MYADML2: variants seen among roughly 807,000 people sequenced by gnomAD.
The protein encoded by MYADML2 is myeloid-associated differentiation marker-like protein 2.
Under a neutral mutation model 16.0 loss-of-function variants are expected in MYADML2, and 17 were observed. That is an observed-to-expected ratio of 1.06 (90% CI 0.73 to 1.60). The LOEUF (loss-of-function observed/expected upper bound fraction) is 1.60. MYADML2 is among the 40% of genes most tolerant of loss of function. The pLI, the probability that MYADML2 is intolerant of heterozygous loss-of-function variation, is 0.00. For synonymous variants in MYADML2, 210 were observed against 208.1 expected (o/e 1.01, Z -0.08); for missense variants, 422 against 437.7 (o/e 0.96, Z 0.32).
intron 1 of MYADML2, among the ~76,000 whole-genome samples, chr17:81,943,682 C>T (rs1288483910): frequency 1.3e-5 from 2 of 151,976 alleles, no homozygotes; most frequent in Admixed American, 6.6e-5. Flanking sequence ...GGATTACAGG[C>T]GTTAGCCACC....
chr17:81,946,604 C>T (rs761949812), intron 1 of MYADML2, among the ~76,000 whole-genome samples: 61 of 149,770 alleles, frequency 4.1e-4, no homozygotes, highest in African/African-American at 4.4e-4. Context: ...GCCGAGATCG[C>T]GCCACTGCAC....
Position 81,941,536 on chromosome 17 carries a change from A to G in MYADML2, c.206T>C (p.Val69Ala), listed in dbSNP as rs765930954. Residue 69 changes from valine (V) to alanine (A), a missense_variant, in exon 3 of 3, where the codon GTG (valine) becomes GCG (alanine). Transcript: ENST00000409745. Reference protein sequence around the residue: ...GFCFAVSALVVACEFTRLHGC... With the variant: ...GFCFAVSALVAACEFTRLHGC... ...GTGGAGCCGTGTGAACTCACAGGCC[A>G]CCACCAGCGCAGAGACGGCGAAGCA... The G allele has an allele frequency of 4.2e-5, 65 of 1,548,232 alleles. No individual in the cohort carries two copies. The highest frequency in any genetic ancestry group is 1.2e-4 in the East Asian group (5 of 40,918).
chr17:81,945,102 CA>C (rs2041333382), intron 1 of MYADML2, among the ~76,000 whole-genome samples: 1 of 151,668 alleles, frequency 6.6e-6, no homozygotes. Flanking sequence ...CCCATCTCTA[CA>C]AAAAATACGA....
intron 1 of MYADML2, among the ~76,000 whole-genome samples, chr17:81,943,123 A>G (rs1161538056): frequency 1.3e-5 from 2 of 150,356 alleles, no homozygotes; most frequent in African/African-American, 4.9e-5. Flanking sequence ...AGGCTGGAGT[A>G]CAGTGGCGTG....
rs1301545381 is a variant in MYADML2, at chr17:81,941,746, C to A, written c.-5G>T. 6.7e-7 allele frequency: 1 copy of A among 1,498,078 alleles called. No individual in the cohort carries two copies. Among genetic ancestry groups the A allele is most frequent in the African/African-American group, 1.4e-5 (1 of 71,382 alleles). 92.8% of individuals were successfully genotyped at this position (1,498,078 alleles called of 1,614,324 possible). On this transcript the variant is annotated 5_prime_UTR_variant, in exon 3 of 3. Coordinates refer to ENST00000409745, the MANE Select transcript of MYADML2 (RefSeq NM_001145113.3). ...GGGCTCCATGGTGCTGCCCATCTGG[C>A]CAGCCACGTTTCCAGCTCACACAGT...
chr17:81,944,039 G>A (rs1242069873), intron 1 of MYADML2, among the ~76,000 whole-genome samples: 1 of 151,562 alleles, frequency 6.6e-6, no homozygotes, highest in East Asian at 2.0e-4. Flanking sequence ...TTGAACTCAG[G>A]AGGCAGAGGT....
chr17:81,944,390 CAA>C (rs778709387), intron 1 of MYADML2, among the ~76,000 whole-genome samples: 4 of 72,142 alleles, frequency 5.5e-5, no homozygotes, highest in Admixed American at 1.3e-4. Flanking sequence ...CGAGACTCCT[CAA>C]AAAAAAAAAA....
intron 1 of MYADML2, among the ~76,000 whole-genome samples, chr17:81,943,831 C>T (rs1288949017): frequency 1.3e-5 from 2 of 151,846 alleles, no homozygotes; most frequent in African/African-American, 2.4e-5. Flanking sequence ...TAAATCCAGC[C>T]GGGCGCGGTG....
rs1457956545 is a variant in MYADML2, at chr17:81,939,901, G to A, written c.*917C>T. The A allele has an allele frequency of 1.3e-5, 2 of 152,272 alleles. No homozygotes were observed. The highest frequency in any genetic ancestry group is 1.5e-5 in the Non-Finnish European group (1 of 68,094). 9.4% of individuals were successfully genotyped at this position (152,272 alleles called of 1,614,324 possible). On this transcript the variant is annotated 3_prime_UTR_variant, in exon 3 of 3. Coordinates refer to ENST00000409745, the MANE Select transcript of MYADML2 (RefSeq NM_001145113.3). ...GCAGTACCCAGATTCTGTGTCCAGCGGCCGCCCTCAGCCGGGCTCCCTCCC... is the reference window on the plus strand; with the variant it reads ...GCAGTACCCAGATTCTGTGTCCAGCAGCCGCCCTCAGCCGGGCTCCCTCCC...
chr17:81,944,699 A>G (rs913095982), intron 1 of MYADML2, among the ~76,000 whole-genome samples: 1 of 152,158 alleles, frequency 6.6e-6, no homozygotes, highest in African/African-American at 2.4e-5. Flanking sequence ...GGTGGCAGCT[A>G]CTATGTGATC....
At position 81,942,006 on chromosome 17, in the gene MYADML2, C is replaced by G; in HGVS notation, c.-102-163G>C. ...TTAGAGAGACATCTGACCCCTGGTC[C>G]CCTGTGGAGCCCCTGCCGGGACCAT... On this transcript the variant is annotated intron_variant, in intron 2 of 2. Coordinates refer to ENST00000409745, the MANE Select transcript of MYADML2 (RefSeq NM_001145113.3). The surrounding 1 kb of genome is among the most constrained non-coding windows in gnomAD (Gnocchi z 4.4). 1 of 407,238 alleles carries G rather than the reference C, an allele frequency of 2.5e-6. No homozygotes were observed. The highest frequency in any genetic ancestry group is 4.4e-6 in the Non-Finnish European group (1 of 228,826). 25.2% of individuals were successfully genotyped at this position (407,238 alleles called of 1,614,324 possible). A position where few individuals can be genotyped will look rare whatever the true frequency, so the allele number is the denominator to read the frequency against.
At chr17:81,941,908 G>C (rs1042247748) in intron 2 of MYADML2, 65 bp from the exon 3 acceptor site, 4 of 632,880 alleles carry the variant, frequency 6.3e-6, no homozygotes, top group African/African-American at 3.7e-5. Flanking sequence ...ATGTGAGGCG[G>C]CTCCCCCCAG....
chr17:81,946,365 A>T (rs1567934667), intron 1 of MYADML2, among the ~76,000 whole-genome samples: 1 of 144,126 alleles, frequency 6.9e-6, no homozygotes, highest in Non-Finnish European at 1.5e-5. Context: ...AAAAGAAGAA[A>T]AGGCCGGGCG....
chr17:81,940,666 T>C lies in MYADML2; in HGVS notation c.*152A>G. The C allele has an allele frequency of 1.2e-6, 1 of 817,960 alleles. No individual in the cohort carries two copies. Among genetic ancestry groups the C allele is most frequent in the Non-Finnish European group, 1.9e-6 (1 of 536,454 alleles). The allele number at this position is 817,960 out of a possible 1,614,324, so 50.7% of individuals were successfully genotyped here. ...TGTCCCTCTGAGCCCAGTCTGGAAG[T>C]CGGGGAGTGACCTCTCCCGTTGTAC... On this transcript the variant is annotated 3_prime_UTR_variant, in exon 3 of 3. Transcript: ENST00000409745.
rs766537154 is a variant in MYADML2 at position 81,941,056 on chromosome 17, C to T, written c.686G>A (p.Arg229Gln). ...HTGGLGCPFD[R>Q]LVVVYTFLAV... ...CAGGAAGGTGTACACCACCACCAGC[C>T]GGTCAAAGGGGCAGCCCAGGCCCCC... Residue 229 changes from arginine (R) to glutamine (Q), a missense_variant, in exon 3 of 3, where the codon CGG becomes CAG. Arg to Gln is a conservative substitution (Grantham distance 43). Transcript: ENST00000409745. The T allele has an allele frequency of 1.4e-5, 21 of 1,550,292 alleles. No homozygotes were observed. The African/African-American group carries it at 1.5e-4, about 11-fold the overall frequency.
chr17:81,945,783 C>T (rs1406964093), intron 1 of MYADML2, among the ~76,000 whole-genome samples: 5 of 151,458 alleles, frequency 3.3e-5, no homozygotes, highest in Non-Finnish European at 7.4e-5. Flanking sequence ...GGGAGGACTG[C>T]TTAATCCCAG....
Position 81,941,616 on chromosome 17 carries a change from G to C in MYADML2, c.126C>G (p.His42Gln). ...CCTGGACGCCCGCAAAGCCACCCCG[G>C]TGGGCCACCAGGCTGAAGGTAGTGC... is the stretch of plus-strand genomic sequence containing the variant. ...FGCTTFSLVA[H>Q]RGGFAGVQGT... Residue 42 changes from histidine (H) to glutamine (Q), a missense_variant, in exon 3 of 3, where the codon CAC (histidine) becomes CAG (glutamine). Coordinates refer to ENST00000409745, the MANE Select transcript of MYADML2 (RefSeq NM_001145113.3). 6.5e-7 allele frequency: 1 copy of C among 1,549,086 alleles called. No homozygotes were observed. The highest frequency in any genetic ancestry group is 8.7e-7 in the Non-Finnish European group (1 of 1,146,842).
chr17:81,941,519 G>T lies in MYADML2; in HGVS notation c.223C>A (p.Arg75=). Residue 75 remains arginine, a synonymous_variant, in exon 3 of 3, where the codon CGG becomes AGG. Coordinates refer to ENST00000409745, the MANE Select transcript of MYADML2 (RefSeq NM_001145113.3). ...SALVVACEFT[R]LHGCLRLSWG... ...GAGAGCCGCAGGCAGCCGTGGAGCC[G>T]TGTGAACTCACAGGCCACCACCAGC... 1 of 1,548,058 alleles carries T rather than the reference G, an allele frequency of 6.5e-7. No individual in the cohort carries two copies.
intron 1 of MYADML2, among the ~76,000 whole-genome samples, chr17:81,945,412 G>A (rs1367219754): frequency 4.6e-5 from 7 of 152,038 alleles, no homozygotes; most frequent in Middle Eastern, 3.4e-3. Context: ...GGTGATGGGC[G>A]CCTGTAGTCC....
Sources: gnomAD v4.1 joint callset for allele counts (sites outside exome capture counted in the v4.1 genomes callset) on GRCh38, gnomAD v4.1.1 for gene constraint, Gnocchi (gnomAD v3.1) non-coding constraint, MANE v1.5 for transcripts, NCBI Gene and HGNC (gene_info 2026-07-23, HGNC 2026-07-21) for gene names.